JMJD1C: variants seen among roughly 807,000 people sequenced by gnomAD.
The protein encoded by JMJD1C is jumonji domain-containing protein 1C.
A neutral mutation model predicts 245.3 loss-of-function variants in JMJD1C; 31 were observed. The observed-to-expected ratio is 0.13, with a 90% CI of 0.09 to 0.17. The LOEUF is 0.17. Among genes scored for constraint, JMJD1C ranks in the 10% least tolerant of loss-of-function variants. The probability of loss-of-function intolerance (pLI) is 1.00; values close to 1 mark genes in which losing one functional copy is unlikely to be tolerated. For synonymous variants in JMJD1C, 1,057 were observed against 1,017.4 expected (o/e 1.04, Z -0.74); for missense variants, 2,691 against 3,000.2 (o/e 0.90, Z 2.41).
intron 1 of JMJD1C, among the ~76,000 whole-genome samples, chr10:63,500,778 T>TGGAC (rs1175935426): frequency 4.6e-5 from 7 of 151,234 alleles, no homozygotes; most frequent in African/African-American, 1.7e-4. Flanking sequence ...GATGGATGGA[T>TGGAC]GGATGGATGG....
At chr10:63,369,195 G>C (rs1946098877) in intron 2 of JMJD1C, among the ~76,000 whole-genome samples, 1 of 151,034 alleles carries the variant, frequency 6.6e-6, no homozygotes, top group South Asian at 2.1e-4. Flanking sequence ...TTGCCCAGGA[G>C]TGCAATGATG....
chr10:63,191,284 A>G (rs560689469), intron 16 of JMJD1C, among the ~76,000 whole-genome samples, 176 bp from the exon 17 acceptor site: 1 of 152,238 alleles, frequency 6.6e-6, no homozygotes, highest in African/African-American at 2.4e-5. Context: ...GGCATGTGCC[A>G]CCAGGCCCAG....
intron 1 of JMJD1C, among the ~76,000 whole-genome samples, chr10:63,479,843 C>T (rs545903714): frequency 6.6e-6 from 1 of 152,144 alleles, no homozygotes; most frequent in Admixed American, 6.5e-5. Context: ...AATAGCAGAA[C>T]TTCTTAAATT....
chr10:63,263,263 TC>T (rs1387304233), intron 3 of JMJD1C, among the ~76,000 whole-genome samples: 1 of 151,726 alleles, frequency 6.6e-6, no homozygotes, highest in Non-Finnish European at 1.5e-5. Flanking sequence ...ACAAGAAAAA[TC>T]AAGTGGAAAG....
chr10:63,189,277 T>C lies in JMJD1C; in HGVS notation c.6461A>G (p.Tyr2154Cys). 6.2e-7 allele frequency: 1 copy of C among 1,613,514 alleles called. No homozygotes were observed. The change falls in exon 18 of 26, where the codon TAC (tyrosine) becomes TGC (cysteine). Residue 2154 changes from tyrosine to cysteine, a missense_variant. By Grantham distance (194) the Tyr-to-Cys change is radical. This residue lies in a region of JMJD1C where 275 missense variants were observed against 285.5 expected (regional missense o/e 0.96). Transcript: ENST00000399262. ...GATCCAAGAATGTGGTATATCACTG[T>C]ATAATTTATTATTTTCATCCACTGC... ...ISAVDENNKL[Y>C]SDIPHSWICE... is the part of the protein sequence containing the mutation.
chr10:63,357,888 A>T (rs1944996702), intron 2 of JMJD1C, among the ~76,000 whole-genome samples: 1 of 150,894 alleles, frequency 6.6e-6, no homozygotes, highest in Non-Finnish European at 1.5e-5. Flanking sequence ...CCTTACATAA[A>T]AAAGCAAGCA....
At chr10:63,285,536 T>C (rs1857884878) in intron 2 of JMJD1C, among the ~76,000 whole-genome samples, 2 of 152,200 alleles carry the variant, frequency 1.3e-5, no homozygotes, top group Admixed American at 1.3e-4. Flanking sequence ...CTTTCTTTAC[T>C]GCCCGGGCAG....
At chr10:63,259,464 C>T (rs1264701152) in intron 3 of JMJD1C, among the ~76,000 whole-genome samples, 1 of 152,048 alleles carries the variant, frequency 6.6e-6, no homozygotes, top group East Asian at 1.9e-4. Context: ...CTACTGCAAA[C>T]TTACCCTAGG....
At chr10:63,363,598 C>T (rs1323505934) in intron 2 of JMJD1C, among the ~76,000 whole-genome samples, 1 of 152,096 alleles carries the variant, frequency 6.6e-6, no homozygotes, top group Admixed American at 6.6e-5. Context: ...TCAGTTCCCA[C>T]CATCACTTCT....
In JMJD1C at chr10:63,257,149, A is replaced by G. The variant is rs996324153; in HGVS notation, c.447+7502T>C. Among the ~76,000 whole-genome samples the G allele has an allele frequency of 3.3e-5, 5 of 151,632 alleles. No homozygotes were observed. In the East Asian group the frequency reaches 9.7e-4, roughly 30 times the overall value. ...CTACTGAGGAGGCTGATGTGGGAGA[A>G]TCACTTGAACCAGGGAGATGGAGGT... On this transcript the variant is annotated intron_variant, in intron 3 of 25. Coordinates refer to ENST00000399262, the MANE Select transcript of JMJD1C (RefSeq NM_032776.3).
At chr10:63,439,751 C>A (rs1285445522) in intron 1 of JMJD1C, among the ~76,000 whole-genome samples, 1 of 152,116 alleles carries the variant, frequency 6.6e-6, no homozygotes, top group Non-Finnish European at 1.5e-5. Flanking sequence ...ATAAAAACAA[C>A]ATGTAGATCA....
At chr10:63,371,201 TG>T (rs1420426595) in intron 2 of JMJD1C, among the ~76,000 whole-genome samples, 1 of 151,892 alleles carries the variant, frequency 6.6e-6, no homozygotes, top group Non-Finnish European at 1.5e-5. Flanking sequence ...TGGCTGGTCT[TG>T]AACTCCTGGA....
chr10:63,446,633 T>C (rs958911857), intron 1 of JMJD1C, among the ~76,000 whole-genome samples: 1 of 152,148 alleles, frequency 6.6e-6, no homozygotes, highest in Non-Finnish European at 1.5e-5. Context: ...AAAAACCAAG[T>C]GAGCATAATG....
chr10:63,504,240 C>A (rs1307507407), intron 1 of JMJD1C, among the ~76,000 whole-genome samples: 1 of 152,120 alleles, frequency 6.6e-6, no homozygotes, highest in Non-Finnish European at 1.5e-5. Flanking sequence ...TAAAACAGGG[C>A]AGACAACATT....
chr10:63,199,059 G>A (rs1277247582), intron 11 of JMJD1C, among the ~76,000 whole-genome samples: 3 of 152,144 alleles, frequency 2.0e-5, no homozygotes, highest in Admixed American at 6.6e-5. Context: ...CCAGAGCAAT[G>A]CTGTTATTTT....
chr10:63,214,416 G>A lies in JMJD1C; in HGVS notation c.1751C>T (p.Ser584Leu), dbSNP rs1564621742. The change falls in exon 8 of 26, where the codon TCA becomes TTA. Residue 584 changes from serine to leucine, a missense_variant. Physicochemically the swap from Ser to Leu is moderately radical, Grantham distance 145. This residue lies in a region of JMJD1C where 1,562 missense variants were observed against 1,490.7 expected (regional missense o/e 1.05). Transcript: ENST00000399262. ...LTQSSVTNAS[S>L]GNDHLNMEKE... ...TTCCATGTTCAAGTGATCATTTCCTGAAGAAGCATTTGTAACACTTGATTG... is the reference window on the plus strand; with the variant it reads ...TTCCATGTTCAAGTGATCATTTCCTAAAGAAGCATTTGTAACACTTGATTG... 1 of 1,613,842 alleles carries A rather than the reference G, an allele frequency of 6.2e-7. No individual in the cohort carries two copies. The highest frequency in any genetic ancestry group is 1.1e-5 in the South Asian group (1 of 91,088).
intron 2 of JMJD1C, among the ~76,000 whole-genome samples, chr10:63,279,273 T>TA (rs1857153479): frequency 6.6e-6 from 1 of 152,020 alleles, no homozygotes; most frequent in South Asian, 2.1e-4. Flanking sequence ...ACAAATTACA[T>TA]AGTGATTTAA....
intron 3 of JMJD1C, among the ~76,000 whole-genome samples, chr10:63,242,855 TTA>T (rs774838214): frequency 1.4e-4 from 22 of 151,994 alleles, no homozygotes; most frequent in Non-Finnish European, 2.9e-4. Context: ...TAAAAAAAAT[TTA>T]GAGTACAAAG....
intron 20 of JMJD1C, 22 bp downstream of exon 20, chr10:63,185,541 G>A (rs1179688260): frequency 7.1e-7 from 1 of 1,411,620 alleles, no homozygotes; most frequent in Non-Finnish European, 1.0e-6. Context: ...AAAGTCAAGA[G>A]TCAAAATGAA....
Sources: gnomAD v4.1 joint callset for allele counts (sites outside exome capture counted in the v4.1 genomes callset) on GRCh38, gnomAD v4.1.1 for gene constraint, gnomAD v4.1.1 regional missense constraint, MANE v1.5 for transcripts, NCBI Gene and HGNC (gene_info 2026-07-23, HGNC 2026-07-21) for gene names.